The following ZNF567 variants were observed in gnomAD, a reference collection of about 807,000 sequenced individuals.
The protein encoded by ZNF567 is zinc finger protein 567.
ZNF567 carries 36 observed loss-of-function variants against 53.9 expected under a neutral mutation model. The observed-to-expected ratio is 0.67, with a 90% confidence interval of 0.51 to 0.88. The LOEUF (loss-of-function observed/expected upper bound fraction) is 0.88. Ranked by LOEUF, ZNF567 falls within the 40% of genes least tolerant of loss-of-function variation. The pLI is 0.00. For missense variants in ZNF567, 619 were observed against 764.7 expected (o/e 0.81, Z 2.25); for synonymous variants, 224 against 260.4 (o/e 0.86, Z 1.35).
At chr19:36,685,117 A>G (rs932026040), upstream of ZNF567, among the ~76,000 whole-genome samples, 7 of 152,142 alleles carry the variant, frequency 4.6e-5, no homozygotes, top group African/African-American at 1.2e-4. Flanking sequence ...GCGAAACCCC[A>G]TGTCTACTAA....
rs113804774 is a variant in ZNF567, at chr19:36,701,484, C to T, written c.9+6608C>T. ...TTCAATTCCTGGGTATCCTTGTTAA[C>T]TTTCTGTCTCGTTGATCTGTCTAAT... On this transcript the variant is annotated intron_variant, in intron 3 of 5. Coordinates refer to ENST00000682579, the MANE Select transcript of ZNF567 (RefSeq NM_001322917.1). 1.5e-4 allele frequency among the ~76,000 whole-genome samples: 23 copies of T among 151,876 alleles called. No homozygotes were observed. The East Asian group carries it at 2.9e-3, about 19-fold the overall frequency.
chr19:36,716,796 C>T (rs758832816), intron 5 of ZNF567, among the ~76,000 whole-genome samples: 4 of 152,182 alleles, frequency 2.6e-5, no homozygotes, highest in African/African-American at 4.8e-5. Flanking sequence ...TTCTGCCAGA[C>T]ACCACCTAAC....
downstream of ZNF567, among the ~76,000 whole-genome samples, chr19:36,721,511 T>A (rs1003963119): frequency 1.3e-5 from 2 of 152,104 alleles, no homozygotes; most frequent in Non-Finnish European, 2.9e-5. Context: ...ATCATGGACA[T>A]GTGAATGCAG....
intron 2 of ZNF567, among the ~76,000 whole-genome samples, chr19:36,691,728 T>C (rs1399604520): frequency 2.6e-5 from 4 of 152,216 alleles, no homozygotes; most frequent in Non-Finnish European, 5.9e-5. Flanking sequence ...ATGTAGCCTT[T>C]TGAGTCTGGC....
chr19:36,685,897 G>A (rs1568675805), upstream of ZNF567: 1 of 152,260 alleles, frequency 6.6e-6, no homozygotes, highest in Admixed American at 6.5e-5. Context: ...GCCTGGTGGA[G>A]GCTGGATGGT....
chr19:36,685,236 C>T (rs1403040537), upstream of ZNF567, among the ~76,000 whole-genome samples: 2 of 152,056 alleles, frequency 1.3e-5, no homozygotes, highest in Admixed American at 6.5e-5. Context: ...TGCAGTAAGT[C>T]GAGATCACGC....
At chr19:36,715,506 AATAATTATTATTATTATTATTATT>A (rs2040015140) in intron 5 of ZNF567, among the ~76,000 whole-genome samples, 1 of 25,960 alleles carries the variant, frequency 3.9e-5, no homozygotes, top group African/African-American at 2.5e-4. Context: ...TAATAATAAT[AATAATTATTATTATTATTATTATT>A]ATTATTATTA....
intron 5 of ZNF567, 61 bp downstream of exon 5, chr19:36,712,928 T>G: frequency 7.6e-7 from 1 of 1,315,704 alleles, no homozygotes; most frequent in South Asian, 1.3e-5. Flanking sequence ...AAGGGTCAAG[T>G]GGGGGTGATA....
downstream of ZNF567, among the ~76,000 whole-genome samples, chr19:36,723,508 A>G (rs1044954948): frequency 6.6e-5 from 10 of 152,174 alleles, no homozygotes; most frequent in Non-Finnish European, 1.3e-4. Flanking sequence ...AAAGTATGAG[A>G]TATTAACGGG....
In ZNF567 at chr19:36,719,887, C is replaced by T; in HGVS notation, c.1163C>T (p.Thr388Ile). ...CTCTCTCTACATCAGAGAATCCATA[C>T]AGGTGAGAAACCCTACATTTGTAAA... ...TTLSLHQRIH[T>I]GEKPYICKEC... Residue 388 changes from threonine to isoleucine, a missense_variant, in exon 6 of 6, where the codon ACA (threonine) becomes ATA (isoleucine). Physicochemically the swap from Thr to Ile is moderately conservative, Grantham distance 89. Coordinates refer to ENST00000682579, the MANE Select transcript of ZNF567 (RefSeq NM_001322917.1). 6.2e-7 allele frequency: 1 copy of T among 1,609,292 alleles called. No homozygotes were observed. The highest frequency in any genetic ancestry group is 8.5e-7 in the Non-Finnish European group (1 of 1,176,314).
chr19:36,702,285 G>A (rs138982776), intron 3 of ZNF567, among the ~76,000 whole-genome samples: 13,293 of 152,120 alleles, frequency 0.087, 775 homozygotes, highest in Non-Finnish European at 0.12. Context: ...AGTTTCTGGC[G>A]AGAGATCCGC....
intron 3 of ZNF567, chr19:36,711,565 T>C (rs1007341674): frequency 2.0e-5 from 3 of 152,218 alleles, no homozygotes; most frequent in Non-Finnish European, 4.4e-5. Flanking sequence ...ATAATTATTA[T>C]CTGAGGGAAA....
chr19:36,713,636 T>C (rs948636703), intron 5 of ZNF567, among the ~76,000 whole-genome samples: 20 of 149,330 alleles, frequency 1.3e-4, no homozygotes, highest in Non-Finnish European at 2.7e-4. Flanking sequence ...ACCAGACTTT[T>C]AAATATCACT....
At chr19:36,721,746 T>TTC (rs1320354856), downstream of ZNF567, among the ~76,000 whole-genome samples, 15 of 130,240 alleles carry the variant, frequency 1.2e-4, no homozygotes, top group East Asian at 4.1e-4. Context: ...TTTTTTTTCT[T>TTC]TTTTTTTTTT....
chr19:36,669,080 T>A, the ZNF567 span: 1 of 152,200 alleles, frequency 6.6e-6, no homozygotes, highest in Non-Finnish European at 1.5e-5. Context: ...GTGTTATAAG[T>A]AATCTAGAGA....
chr19:36,673,948 A>T, the ZNF567 span, among the ~76,000 whole-genome samples: 1 of 152,100 alleles, frequency 6.6e-6, no homozygotes. Context: ...TAACTATTAG[A>T]TTACCATTTT....
chr19:36,684,905 C>T (rs1284991779), upstream of ZNF567, among the ~76,000 whole-genome samples: 1 of 152,144 alleles, frequency 6.6e-6, no homozygotes, highest in African/African-American at 2.4e-5. Flanking sequence ...TACCTAAGAA[C>T]CCTGAAGTTT....
At chr19:36,716,163 C>T (rs1246469742) in intron 5 of ZNF567, among the ~76,000 whole-genome samples, 1 of 152,010 alleles carries the variant, frequency 6.6e-6, no homozygotes, top group South Asian at 2.1e-4. Flanking sequence ...CTTTCAGGAA[C>T]TGTCACAATA....
chr19:36,715,509 A>ATTATTATT (rs1568711570), intron 5 of ZNF567, among the ~76,000 whole-genome samples: 26 of 45,820 alleles, frequency 5.7e-4, no homozygotes, highest in South Asian at 2.0e-3. Context: ...TAATAATAAT[A>ATTATTATT]ATTATTATTA....
Sources: allele counts gnomAD v4.1 joint callset (sites outside exome capture counted in the v4.1 genomes callset), GRCh38; gene constraint gnomAD v4.1.1; transcripts MANE v1.5; gene names NCBI Gene and HGNC (gene_info 2026-07-23, HGNC 2026-07-21).